CAMSAP3: variants seen among roughly 807,000 people sequenced by gnomAD.
The protein encoded by CAMSAP3 is calmodulin regulated spectrin associated protein family member 3.
In CAMSAP3, 34 loss-of-function variants were observed where a neutral mutation model predicts 112.5. That is an observed-to-expected ratio of 0.30 (90% CI 0.23 to 0.40). The LOEUF is 0.40. CAMSAP3 is among the 10% of genes least tolerant of loss of function. CAMSAP3 has a pLI of 1.00. For synonymous variants in CAMSAP3, 868 were observed against 799.8 expected, an observed-to-expected ratio of 1.09 and a Z score of -1.44; for missense variants, 1,602 against 1,770.3, an observed-to-expected ratio of 0.90 and a Z score of 1.71.
At chr19:7,596,791 A>G (rs1273619282) in intron 1 of CAMSAP3, among the ~76,000 whole-genome samples, 1 of 151,910 alleles carries the variant, frequency 6.6e-6, no homozygotes, top group African/African-American at 2.4e-5. Context: ...TTTACTGGGG[A>G]GGTTGGCGAG....
chr19:7,609,825 G>A (rs545898352), intron 5 of CAMSAP3, among the ~76,000 whole-genome samples: 1 of 152,152 alleles, frequency 6.6e-6, no homozygotes, highest in East Asian at 1.9e-4. Context: ...TCCCTCACAC[G>A]CCAGGTTCAC....
In CAMSAP3 at chr19:7,611,249, C is replaced by T. The variant is rs116589935; in HGVS notation, c.1123+81C>T. 1.7e-3 allele frequency: 2,401 copies of T among 1,393,664 alleles called. 34 individuals carry two copies. In the African/African-American group the frequency reaches 0.029, roughly 17 times the overall value. 86.3% of individuals were successfully genotyped at this position (1,393,664 alleles called of 1,614,324 possible). A position where few individuals can be genotyped will look rare whatever the true frequency, so the allele number is the denominator to read the frequency against. On this transcript the variant is annotated intron_variant, in intron 9 of 16. Coordinates refer to ENST00000160298, the MANE Select transcript of CAMSAP3 (RefSeq NM_020902.2). The surrounding 1 kb of genome is among the most constrained non-coding windows in gnomAD (Gnocchi z 6.9). ...CCCAGTGGGCCTCATGTTGTCTCCT[C>T]GTGAGCCTTCCAATAGCCTCTCCAT...
In CAMSAP3 at chr19:7,606,248, C is replaced by T. The variant is rs375893608; in HGVS notation, c.403-23C>T. On this transcript the variant is annotated intron_variant, in intron 2 of 16. Coordinates refer to ENST00000160298, the MANE Select transcript of CAMSAP3 (RefSeq NM_020902.2). ...CGCCTCCTGCAGCTCTCAGGTCTCA[C>T]CCTCTAGCGCTTGCCCCCACAGGGA... The T allele has an allele frequency of 2.2e-4, 345 of 1,593,348 alleles. 2 individuals are homozygous for T. The East Asian group carries it at 4.5e-3, about 21-fold the overall frequency.
Position 7,610,423 on chromosome 19 carries a change from G to T in CAMSAP3, c.761-53G>T. Reference sequence around the variant, plus strand: ...GACTGCTGGTCCCTGGCTTCCCTGGGGCCCCATCCTCCTCCTCATAGAGTT... The same window carrying T: ...GACTGCTGGTCCCTGGCTTCCCTGGTGCCCCATCCTCCTCCTCATAGAGTT... On this transcript the variant is annotated intron_variant, in intron 5 of 16. Coordinates refer to ENST00000160298, the MANE Select transcript of CAMSAP3 (RefSeq NM_020902.2). This position sits in a 1 kb window ranked among gnomAD's most constrained non-coding sequence, Gnocchi z 4.9. The T allele has an allele frequency of 1.9e-6, 3 of 1,551,820 alleles. No individual in the cohort carries two copies. Among genetic ancestry groups the T allele is most frequent in the Non-Finnish European group, 1.7e-6 (2 of 1,148,994 alleles).
chr19:7,608,436 T>C (rs1372407127), intron 5 of CAMSAP3, among the ~76,000 whole-genome samples, 172 bp downstream of exon 5: 7 of 152,230 alleles, frequency 4.6e-5, no homozygotes, highest in Non-Finnish European at 5.9e-5. Flanking sequence ...CCCAATGAGC[T>C]TTGTGACCTC....
In CAMSAP3 at chr19:7,605,112, C is replaced by T. The variant is rs1241980654; in HGVS notation, c.149-114C>T. 9.8e-6 allele frequency: 7 copies of T among 715,506 alleles called. No homozygotes were observed. The Admixed American group carries it at 2.1e-4, about 21-fold the overall frequency. The allele number at this position is 715,506 out of a possible 1,614,324, so 44.3% of individuals were successfully genotyped here. On this transcript the variant is annotated intron_variant, in intron 1 of 16. Coordinates refer to ENST00000160298, the MANE Select transcript of CAMSAP3 (RefSeq NM_020902.2). ...CTTTCTCCTTTCCCAATGCCATCCTCCCTGGTCCAGACACACTCTTAATCC... is the reference window on the plus strand; with the variant it reads ...CTTTCTCCTTTCCCAATGCCATCCTTCCTGGTCCAGACACACTCTTAATCC...
At position 7,616,504 on chromosome 19, in the gene CAMSAP3, C is replaced by T. The variant is rs2030797987; in HGVS notation, c.3113-19C>T. 1 of 1,580,066 alleles carries T rather than the reference C, an allele frequency of 6.3e-7. No individual in the cohort carries two copies. The highest frequency in any genetic ancestry group is 8.7e-7 in the Non-Finnish European group (1 of 1,149,410). On this transcript the variant is annotated intron_variant, in intron 13 of 16. Transcript: ENST00000160298. ...GCAGGGGCTTCTGGTGGGCACTGAC[C>T]TGCAATCTCTGTCCCCAGGCTCTCG...
In CAMSAP3 at chr19:7,610,376, A is replaced by G. The variant is rs1044855893; in HGVS notation, c.761-100A>G. 9.3e-7 allele frequency: 1 copy of G among 1,076,244 alleles called. No individual in the cohort carries two copies. Among genetic ancestry groups the G allele is most frequent in the Non-Finnish European group, 1.3e-6 (1 of 744,966 alleles). 66.7% of individuals were successfully genotyped at this position (1,076,244 alleles called of 1,614,324 possible). ...GGCACCTGGCAGAAGCTGGGCTCAT[A>G]GGAGGTCTTCCGTGTGTGGGGGACT... On this transcript the variant is annotated intron_variant, in intron 5 of 16. Transcript: ENST00000160298. The surrounding 1 kb of genome is among the most constrained non-coding windows in gnomAD (Gnocchi z 4.9).
rs2030540718 is a variant in CAMSAP3 at position 7,612,341 on chromosome 19, T to C, written c.1848T>C (p.Ala616=). Residue 616 remains alanine, a synonymous_variant, in exon 11 of 17, where the codon GCT becomes GCC. Transcript: ENST00000160298. ...RLEEKRRAIE[A]QKRRIEAIFA... Reference sequence around the variant, plus strand: ...AGGAGAAACGCAGAGCCATCGAGGCTCAGAAGCGACGGATTGAGGCCATAT... The same window carrying C: ...AGGAGAAACGCAGAGCCATCGAGGCCCAGAAGCGACGGATTGAGGCCATAT... 1.9e-6 allele frequency: 3 copies of C among 1,604,200 alleles called. No individual in the cohort carries two copies. Among genetic ancestry groups the C allele is most frequent in the Non-Finnish European group, 2.5e-6 (3 of 1,177,842 alleles).
At position 7,617,302 on chromosome 19, in the gene CAMSAP3, C is replaced by A; in HGVS notation, c.3213-24C>A. On this transcript the variant is annotated intron_variant, in intron 14 of 16. Transcript: ENST00000160298. This position sits in a 1 kb window ranked among gnomAD's most constrained non-coding sequence, Gnocchi z 7.5. ...CTCCATCCCATCCTGACCCCACCTCCATCCCATCCTTCTCCCACTGCAGGG... is the reference window on the plus strand; with the variant it reads ...CTCCATCCCATCCTGACCCCACCTCAATCCCATCCTTCTCCCACTGCAGGG... The A allele has an allele frequency of 6.4e-7, 1 of 1,551,346 alleles. No individual in the cohort carries two copies. Among genetic ancestry groups the A allele is most frequent in the Non-Finnish European group, 8.9e-7 (1 of 1,122,948 alleles).
Position 7,615,599 on chromosome 19 carries a change from C to T in CAMSAP3, c.2992C>T (p.Leu998=), listed in dbSNP as rs1482051516. 3 of 1,477,962 alleles carry T rather than the reference C, an allele frequency of 2.0e-6. No homozygotes were observed. Among genetic ancestry groups the T allele is most frequent in the Middle Eastern group, 1.8e-4 (1 of 5,678 alleles). The allele number at this position is 1,477,962 out of a possible 1,614,324, so 91.6% of individuals were successfully genotyped here. A position where few individuals can be genotyped will look rare whatever the true frequency, so the allele number is the denominator to read the frequency against. Residue 998 remains leucine, a synonymous_variant, in exon 13 of 17, where the codon CTG becomes TTG. Coordinates refer to ENST00000160298, the MANE Select transcript of CAMSAP3 (RefSeq NM_020902.2). This position sits in a 1 kb window ranked among gnomAD's most constrained non-coding sequence, Gnocchi z 6.5. ...LKLMDDLDKV[L]RPRAAGSGGP... ...GCTGATGGACGACCTCGATAAGGTG[C>T]TGCGGCCCCGGGCTGCGGGGTCCGG...
Position 7,617,518 on chromosome 19 carries a change from C to A in CAMSAP3, c.3326-25C>A, listed in dbSNP as rs1457828439. Reference sequence around the variant, plus strand: ...CCTGCTCATTCCTGCTGCCCCCCACCCCCTCCCACTGCCTCACCCTCTAGG... The same window carrying A: ...CCTGCTCATTCCTGCTGCCCCCCACACCCTCCCACTGCCTCACCCTCTAGG... On this transcript the variant is annotated intron_variant, in intron 15 of 16. Transcript: ENST00000160298. This position sits in a 1 kb window ranked among gnomAD's most constrained non-coding sequence, Gnocchi z 7.5. 1 of 1,609,534 alleles carries A rather than the reference C, an allele frequency of 6.2e-7. No individual in the cohort carries two copies. Among genetic ancestry groups the A allele is most frequent in the South Asian group, 1.1e-5 (1 of 90,980 alleles).
chr19:7,599,043 G>A (rs2029862475), intron 1 of CAMSAP3, among the ~76,000 whole-genome samples: 1 of 151,150 alleles, frequency 6.6e-6, no homozygotes, highest in African/African-American at 2.4e-5. Context: ...TGGTGGCATG[G>A]GCTTGTAGTC....
At position 7,610,381 on chromosome 19, in the gene CAMSAP3, G is replaced by T. The variant is rs2030415048; in HGVS notation, c.761-95G>T. ...CTGGCAGAAGCTGGGCTCATAGGAG[G>T]TCTTCCGTGTGTGGGGGACTGCTGG... is the stretch of plus-strand genomic sequence containing the variant. On this transcript the variant is annotated intron_variant, in intron 5 of 16. Coordinates refer to ENST00000160298, the MANE Select transcript of CAMSAP3 (RefSeq NM_020902.2). This position sits in a 1 kb window ranked among gnomAD's most constrained non-coding sequence, Gnocchi z 4.9. The T allele has an allele frequency of 1.8e-6, 2 of 1,141,674 alleles. No individual in the cohort carries two copies. Among genetic ancestry groups the T allele is most frequent in the East Asian group, 2.4e-5 (1 of 42,096 alleles). The allele number at this position is 1,141,674 out of a possible 1,614,324, so 70.7% of individuals were successfully genotyped here.
chr19:7,618,276 A>C lies in CAMSAP3; in HGVS notation c.*219A>C, dbSNP rs1322447298. 1.6e-5 allele frequency: 9 copies of C among 550,972 alleles called. No homozygotes were observed. The South Asian group carries it at 2.4e-4, about 15-fold the overall frequency. The allele number at this position is 550,972 out of a possible 1,614,324, so 34.1% of individuals were successfully genotyped here. ...TCAGTCCCCTTGTCTGTCCTCCCCCACTTCTTGAATAAAATAATTTAAAGA... is the reference window on the plus strand; with the variant it reads ...TCAGTCCCCTTGTCTGTCCTCCCCCCCTTCTTGAATAAAATAATTTAAAGA... On this transcript the variant is annotated 3_prime_UTR_variant, in exon 17 of 17. Coordinates refer to ENST00000160298, the MANE Select transcript of CAMSAP3 (RefSeq NM_020902.2).
rs747562030 is a variant in CAMSAP3 at position 7,616,592 on chromosome 19, A to G, written c.3182A>G (p.Asn1061Ser). ...SLSTVANEAH[N>S]NLGVKRPTSR... ...TCCACTGTGGCCAACGAGGCCCACAATAACCTCGGGGTGAAGAGGCCCACG... is the reference window on the plus strand; with the variant it reads ...TCCACTGTGGCCAACGAGGCCCACAGTAACCTCGGGGTGAAGAGGCCCACG... Residue 1061 changes from asparagine (N) to serine (S), a missense_variant, in exon 14 of 17, where the codon AAT becomes AGT. Transcript: ENST00000160298. 2 of 1,610,788 alleles carry G rather than the reference A, an allele frequency of 1.2e-6. No individual in the cohort carries two copies. The highest frequency in any genetic ancestry group is 1.7e-6 in the Non-Finnish European group (2 of 1,179,672).
At position 7,611,323 on chromosome 19, in the gene CAMSAP3, G is replaced by C. The variant is rs1294785460; in HGVS notation, c.1123+155G>C. Among the ~76,000 whole-genome samples the C allele has an allele frequency of 6.6e-6, 1 of 152,136 alleles. No homozygotes were observed. Among genetic ancestry groups the C allele is most frequent in the African/African-American group, 2.4e-5 (1 of 41,430 alleles). On this transcript the variant is annotated intron_variant, in intron 9 of 16. Transcript: ENST00000160298. This position sits in a 1 kb window ranked among gnomAD's most constrained non-coding sequence, Gnocchi z 6.9. ...AGTGACCCCCAGAATGGCCTCCCCA[G>C]TGGCCCCACAGTACCCCGTAGTGAC...
At chr19:7,606,156 A>ATC in intron 2 of CAMSAP3, 115 bp from the exon 3 acceptor site, 1 of 224,848 alleles carries the variant, frequency 4.4e-6, no homozygotes, top group South Asian at 3.0e-5. Flanking sequence ...CTCAAGCCCC[A>ATC]CCCCCCCCGT....
chr19:7,607,897 G>C lies in CAMSAP3; in HGVS notation c.622-229G>C. ...ATGTATCCCCCGCCCCGGGGTCCCA[G>C]GAGTCCCTGTCCCCAGCCCCCGCTG... is the stretch of plus-strand genomic sequence containing the variant. On this transcript the variant is annotated intron_variant, in intron 4 of 16. Coordinates refer to ENST00000160298, the MANE Select transcript of CAMSAP3 (RefSeq NM_020902.2). This position sits in a 1 kb window ranked among gnomAD's most constrained non-coding sequence, Gnocchi z 4.9. The C allele has an allele frequency of 1.1e-6, 1 of 913,202 alleles. No homozygotes were observed. The highest frequency in any genetic ancestry group is 1.7e-6 in the Non-Finnish European group (1 of 572,702). 56.6% of individuals were successfully genotyped at this position (913,202 alleles called of 1,614,324 possible).
Sources: allele counts gnomAD v4.1 joint callset (sites outside exome capture counted in the v4.1 genomes callset), GRCh38; gene constraint gnomAD v4.1.1; non-coding constraint Gnocchi (gnomAD v3.1); transcripts MANE v1.5; gene names NCBI Gene and HGNC (gene_info 2026-07-23, HGNC 2026-07-21).